Variants in ADGRV1 observed in about 807,000 individuals in gnomAD.
ADGRV1 encodes the protein adhesion G protein-coupled receptor V1, also known as G-protein coupled receptor 98.
Under a neutral mutation model 596.2 loss-of-function variants are expected in ADGRV1, and 359 were observed. The observed-to-expected ratio is 0.60, with a 90% CI of 0.55 to 0.66. The LOEUF is 0.66. ADGRV1 is among the 30% of genes least tolerant of loss of function. The pLI is 0.00. For missense variants in ADGRV1, 7,274 were observed against 7,575.6 expected (o/e 0.96, Z 1.48); for synonymous variants, 2,681 against 2,679.2 (o/e 1.00, Z -0.02).
chr5:90,626,113 A>G (rs1424512587), intron 6 of ADGRV1: 1 of 152,170 alleles, frequency 6.6e-6, no homozygotes, highest in Non-Finnish European at 1.5e-5. Flanking sequence ...AGAAAAGAAA[A>G]CAAAAAGAAA....
At chr5:91,057,247 A>G (rs568364206) in intron 85 of ADGRV1, among the ~76,000 whole-genome samples, 1 of 152,354 alleles carries the variant, frequency 6.6e-6, no homozygotes, top group African/African-American at 2.4e-5. Flanking sequence ...AATTATTTCC[A>G]TTTTGTAGCA....
chr5:90,880,042 A>C (rs1223543024), intron 83 of ADGRV1, among the ~76,000 whole-genome samples: 1 of 152,098 alleles, frequency 6.6e-6, no homozygotes, highest in African/African-American at 2.4e-5. Context: ...ATTCCAGAGA[A>C]GTAATGGTAT....
intron 42 of ADGRV1, among the ~76,000 whole-genome samples, chr5:90,713,504 A>G (rs962098076): frequency 1.3e-5 from 2 of 152,130 alleles, no homozygotes; most frequent in Non-Finnish European, 2.9e-5. Context: ...AGAAAACCCA[A>G]TGCAAATGGA....
chr5:90,644,546 A>G (rs1580569781), intron 14 of ADGRV1, among the ~76,000 whole-genome samples, 160 bp from the exon 15 acceptor site: 1 of 152,240 alleles, frequency 6.6e-6, no homozygotes, highest in African/African-American at 2.4e-5. Context: ...ACAGGCTAAT[A>G]TATTTTTATA....
intron 85 of ADGRV1, among the ~76,000 whole-genome samples, chr5:91,061,981 G>A (rs1787475908): frequency 6.6e-6 from 1 of 152,132 alleles, no homozygotes; most frequent in Non-Finnish European, 1.5e-5. Context: ...GAAGGGGGGT[G>A]GGAGTATAGC....
intron 87 of ADGRV1, among the ~76,000 whole-genome samples, chr5:91,105,323 C>T (rs1164952460): frequency 1.3e-5 from 2 of 152,128 alleles, no homozygotes; most frequent in African/African-American, 4.8e-5. Flanking sequence ...CTCTTCAATA[C>T]ACTGATTTTC....
At chr5:91,126,046 A>C (rs1793722835) in intron 87 of ADGRV1, among the ~76,000 whole-genome samples, 1 of 152,086 alleles carries the variant, frequency 6.6e-6, no homozygotes, top group South Asian at 2.1e-4. Flanking sequence ...CCCCCACCTC[A>C]TTGCATTCCA....
chr5:90,674,313 T>G, intron 23 of ADGRV1, 79 bp downstream of exon 23: 1 of 1,153,564 alleles, frequency 8.7e-7, no homozygotes, highest in Non-Finnish European at 1.2e-6. Context: ...TAAGGCACTT[T>G]TTGCAAATGA....
At chr5:90,578,732 C>T (rs982908265) in intron 1 of ADGRV1, among the ~76,000 whole-genome samples, 10 of 152,156 alleles carry the variant, frequency 6.6e-5, no homozygotes, top group Admixed American at 2.0e-4. Flanking sequence ...GCTGTGAATC[C>T]GTCTGGTCGT....
chr5:90,632,430 C>A (rs1216696322), intron 9 of ADGRV1, among the ~76,000 whole-genome samples: 1 of 152,106 alleles, frequency 6.6e-6, no homozygotes, highest in Non-Finnish European at 1.5e-5. Flanking sequence ...TGCCTCAAAA[C>A]TAGTTTTTAC....
intron 28 of ADGRV1, among the ~76,000 whole-genome samples, chr5:90,685,199 G>T (rs940925551): frequency 2.1e-5 from 3 of 144,422 alleles, no homozygotes; most frequent in Admixed American, 6.8e-5. Flanking sequence ...ACTAGAGCAG[G>T]GACATTCTGT....
In ADGRV1 at chr5:90,830,263, T is replaced by C. The variant is rs535149721; in HGVS notation, c.16611+1077T>C. On this transcript the variant is annotated intron_variant, in intron 77 of 89. Coordinates refer to ENST00000405460, the MANE Select transcript of ADGRV1 (RefSeq NM_032119.4). The stretch of plus-strand genomic sequence containing the variant: ...CAAACAAAAAGAAAACTCCCTATTA[T>C]ATGAGACCCTAGAAATAAAGTCTAT... 7.2e-5 allele frequency among the ~76,000 whole-genome samples: 11 copies of C among 152,268 alleles called. No homozygotes were observed. In the South Asian group the frequency reaches 2.3e-3, roughly 32 times the overall value.
intron 85 of ADGRV1, among the ~76,000 whole-genome samples, chr5:90,988,099 G>A (rs894638775): frequency 2.0e-5 from 3 of 152,100 alleles, no homozygotes; most frequent in Non-Finnish European, 4.4e-5. Context: ...TGAATGTAGC[G>A]CTGATTTCAA....
At chr5:91,108,181 T>C (rs1012661196) in intron 87 of ADGRV1, among the ~76,000 whole-genome samples, 1 of 152,316 alleles carries the variant, frequency 6.6e-6, no homozygotes, top group Middle Eastern at 3.4e-3. Context: ...CTCTGGAGTT[T>C]ATTTTGGTTC....
chr5:91,010,782 T>C (rs1196145334), intron 85 of ADGRV1, among the ~76,000 whole-genome samples: 2 of 148,622 alleles, frequency 1.3e-5, no homozygotes, highest in African/African-American at 2.5e-5. Context: ...TATTCTGAAA[T>C]TTTTGAAATT....
At chr5:91,151,933 C>T (rs923561365) in intron 88 of ADGRV1, among the ~76,000 whole-genome samples, 1 of 152,200 alleles carries the variant, frequency 6.6e-6, no homozygotes, top group African/African-American at 2.4e-5. Flanking sequence ...GTTCTCAGAT[C>T]GCCATTTTCA....
chr5:90,990,393 A>G (rs568042583), intron 85 of ADGRV1, among the ~76,000 whole-genome samples: 2 of 152,320 alleles, frequency 1.3e-5, no homozygotes, highest in South Asian at 4.1e-4. Flanking sequence ...GAGAACAGTG[A>G]TTACTTACAG....
chr5:91,051,819 A>G (rs573409446), intron 85 of ADGRV1, among the ~76,000 whole-genome samples: 150 of 152,184 alleles, frequency 9.9e-4, no homozygotes, highest in Non-Finnish European at 1.6e-3. Flanking sequence ...CCCAATGAGC[A>G]TCTATATTTG....
chr5:91,029,803 A>C (rs984266387), intron 85 of ADGRV1, among the ~76,000 whole-genome samples: 1 of 152,140 alleles, frequency 6.6e-6, no homozygotes, highest in Non-Finnish European at 1.5e-5. Context: ...TATCAAATGA[A>C]GTATTCAAGT....
Sources: gnomAD v4.1 joint callset for allele counts (sites outside exome capture counted in the v4.1 genomes callset) on GRCh38, gnomAD v4.1.1 for gene constraint, MANE v1.5 for transcripts, NCBI Gene and HGNC (gene_info 2026-07-23, HGNC 2026-07-21) for gene names.